The following CACNA1C variants were observed in gnomAD, a reference collection of about 807,000 sequenced individuals.
The protein encoded by CACNA1C is calcium voltage-gated channel subunit alpha1 C.
CACNA1C carries 30 observed loss-of-function variants against 229.0 expected under a neutral mutation model. That is an observed-to-expected ratio of 0.13 (90% CI 0.10 to 0.18). The LOEUF (loss-of-function observed/expected upper bound fraction) is 0.18. Among genes scored for constraint, CACNA1C ranks in the 10% least tolerant of loss-of-function variants. The probability of loss-of-function intolerance (pLI) is 1.00; values close to 1 mark genes in which losing one functional copy is unlikely to be tolerated. For missense variants in CACNA1C, 1,658 were observed against 2,845.0 expected (o/e 0.58, Z 9.49); for synonymous variants, 1,114 against 1,132.5 (o/e 0.98, Z 0.33).
chr12:2,186,161 G>C (rs948802848), intron 3 of CACNA1C, among the ~76,000 whole-genome samples: 1 of 152,182 alleles, frequency 6.6e-6, no homozygotes, highest in African/African-American at 2.4e-5. Flanking sequence ...CCCAGCCCAG[G>C]ACCAATTAGC....
At chr12:2,617,866 T>C (rs1463513789) in intron 29 of CACNA1C, among the ~76,000 whole-genome samples, 1 of 152,212 alleles carries the variant, frequency 6.6e-6, no homozygotes, top group African/African-American at 2.4e-5. Flanking sequence ...CTTGCTTCCA[T>C]AGAGAAACAA....
At chr12:2,136,063 C>T (rs978489082) in intron 3 of CACNA1C, among the ~76,000 whole-genome samples, 5 of 150,970 alleles carry the variant, frequency 3.3e-5, no homozygotes, top group Admixed American at 2.0e-4. Context: ...GGGAGTGACC[C>T]AATTTTCCAG....
At chr12:2,117,228 G>A (rs1481324791) in intron 2 of CACNA1C, among the ~76,000 whole-genome samples, 1 of 152,206 alleles carries the variant, frequency 6.6e-6, no homozygotes, top group Non-Finnish European at 1.5e-5. Flanking sequence ...CTGAGATCAT[G>A]CCACTGCACT....
chr12:2,414,867 G>A (rs530155993), intron 3 of CACNA1C, among the ~76,000 whole-genome samples: 1 of 152,328 alleles, frequency 6.6e-6, no homozygotes, highest in South Asian at 2.1e-4. Flanking sequence ...TTGGACAGGG[G>A]TGCTGGGATC....
chr12:2,282,241 G>C (rs182406856), intron 3 of CACNA1C, among the ~76,000 whole-genome samples: 7 of 152,234 alleles, frequency 4.6e-5, no homozygotes, highest in Middle Eastern at 3.4e-3. Flanking sequence ...GGGGGACTTC[G>C]CAGGACTTGA....
At chr12:2,413,573 C>T (rs1400033249) in intron 3 of CACNA1C, among the ~76,000 whole-genome samples, 4 of 152,320 alleles carry the variant, frequency 2.6e-5, no homozygotes, top group South Asian at 2.1e-4. Flanking sequence ...CCCGCTATCC[C>T]GAAACCTCCT....
chr12:2,086,276 C>T (rs1024497617), intron 1 of CACNA1C, among the ~76,000 whole-genome samples: 1 of 152,212 alleles, frequency 6.6e-6, no homozygotes, highest in Non-Finnish European at 1.5e-5. Context: ...CAAATCATTT[C>T]CAATTTGCCT....
intron 1 of CACNA1C, among the ~76,000 whole-genome samples, chr12:2,101,132 T>C (rs1228080413): frequency 1.3e-5 from 2 of 152,192 alleles, no homozygotes; most frequent in Non-Finnish European, 2.9e-5. Flanking sequence ...CAAAATGTAA[T>C]TTTCATGGCT....
intron 3 of CACNA1C, among the ~76,000 whole-genome samples, chr12:2,294,412 G>C (rs936942981): frequency 6.6e-6 from 1 of 151,894 alleles, no homozygotes; most frequent in Non-Finnish European, 1.5e-5. Flanking sequence ...GTCAAAGCAC[G>C]AAGGCCTTGA....
Position 2,544,906 on chromosome 12 carries a change from G to T in CACNA1C, c.1391-5037G>T, listed in dbSNP as rs1008768255. 2.0e-5 allele frequency among the ~76,000 whole-genome samples: 3 copies of T among 152,332 alleles called. 1 individual carries two copies. On this transcript the variant is annotated intron_variant, in intron 9 of 46. Coordinates refer to ENST00000399655, the MANE Select transcript of CACNA1C (RefSeq NM_000719.7). ...CCCTTTCTGTTGGCCAATGCCAGCT[G>T]CAGGCATTGCAGTTTTTGGTGCATC... is the stretch of plus-strand genomic sequence containing the variant.
At chr12:2,616,444 C>T (rs1259521629) in intron 29 of CACNA1C, among the ~76,000 whole-genome samples, 2 of 152,212 alleles carry the variant, frequency 1.3e-5, no homozygotes, top group African/African-American at 4.8e-5. Flanking sequence ...TGAGTTTCTC[C>T]CACTGTCAGT....
chr12:2,572,058 T>TAC (rs1398330211), intron 13 of CACNA1C, among the ~76,000 whole-genome samples: 1 of 109,338 alleles, frequency 9.1e-6, no homozygotes. Flanking sequence ...TTTTTTTTTT[T>TAC]ACAATGTAGT....
At chr12:2,600,952 T>C (rs1193348562) in intron 21 of CACNA1C, among the ~76,000 whole-genome samples, 2 of 152,186 alleles carry the variant, frequency 1.3e-5, no homozygotes, top group African/African-American at 2.4e-5. Context: ...GTAGACCTTA[T>C]CCTCATTTTT....
chr12:2,247,741 T>C (rs1221843463), intron 3 of CACNA1C, among the ~76,000 whole-genome samples: 1 of 152,252 alleles, frequency 6.6e-6, no homozygotes, highest in Non-Finnish European at 1.5e-5. Context: ...AAATTCTGGA[T>C]TCTTGCCGAG....
At chr12:2,256,047 C>CAATCACACAATCCTGACCTTGCTAG (rs2077475642) in intron 3 of CACNA1C, among the ~76,000 whole-genome samples, 3 of 18,932 alleles carry the variant, frequency 1.6e-4, no homozygotes, top group Non-Finnish European at 2.6e-4. Flanking sequence ...GACCTGACTA[C>CAATCACACAATCCTGACCTTGCTAG]TTTACAATCA....
chr12:2,014,270 G>T (rs753181108), intron 1 of CACNA1C, among the ~76,000 whole-genome samples: 5 of 108,264 alleles, frequency 4.6e-5, no homozygotes, highest in South Asian at 4.8e-4. Flanking sequence ...AGAAAAATAG[G>T]CATCTTTTTT....
chr12:2,215,957 C>T lies in CACNA1C; in HGVS notation c.477+95527C>T, dbSNP rs896445177. The stretch of plus-strand genomic sequence containing the variant: ...CATCCTGTTCTCGAAGTCACCATGC[C>T]GCCCATCAGTTGACATGCTCTGTTG... On this transcript the variant is annotated intron_variant, in intron 3 of 46. Transcript: ENST00000399655. The surrounding 1 kb of genome is among the most constrained non-coding windows in gnomAD (Gnocchi z 5.0). Among the ~76,000 whole-genome samples, 6 of 152,170 alleles carry T rather than the reference C, an allele frequency of 3.9e-5. No individual in the cohort carries two copies. The highest frequency in any genetic ancestry group is 3.8e-4 in the East Asian group (2 of 5,196).
At chr12:2,570,879 G>A (rs2053998388) in intron 13 of CACNA1C, among the ~76,000 whole-genome samples, 1 of 152,196 alleles carries the variant, frequency 6.6e-6, no homozygotes, top group Non-Finnish European at 1.5e-5. Flanking sequence ...ATGCTCCTAA[G>A]CAACAGCCTT....
In CACNA1C at chr12:2,215,450, C is replaced by T. The variant is rs768762144; in HGVS notation, c.477+95020C>T. ...GGGGCCTGTTCCTCTGGGTGGGATG[C>T]GCTCTCCCTCCTCCTAGGCTTGGTT... On this transcript the variant is annotated intron_variant, in intron 3 of 46. Coordinates refer to ENST00000399655, the MANE Select transcript of CACNA1C (RefSeq NM_000719.7). The surrounding 1 kb of genome is among the most constrained non-coding windows in gnomAD (Gnocchi z 5.0). Among the ~76,000 whole-genome samples, 20 of 152,098 alleles carry T rather than the reference C, an allele frequency of 1.3e-4. No individual in the cohort carries two copies. The highest frequency in any genetic ancestry group is 1.0e-3 in the South Asian group (5 of 4,820).
Sources: gnomAD v4.1 joint callset for allele counts (sites outside exome capture counted in the v4.1 genomes callset) on GRCh38, gnomAD v4.1.1 for gene constraint, Gnocchi (gnomAD v3.1) non-coding constraint, MANE v1.5 for transcripts, NCBI Gene and HGNC (gene_info 2026-07-23, HGNC 2026-07-21) for gene names.